HSD3B2: variants seen among roughly 807,000 people sequenced by gnomAD.
HSD3B2 encodes hydroxy-delta-5-steroid dehydrogenase, 3 beta- and steroid delta-isomerase 2.
A neutral mutation model predicts 9.9 loss-of-function variants in HSD3B2; 8 were observed. The observed-to-expected ratio is 0.81, with a 90% CI of 0.47 to 1.46. HSD3B2 has a LOEUF of 1.46. Among genes scored for constraint, HSD3B2 ranks in the 40% most tolerant of loss-of-function variants. The pLI, the probability that HSD3B2 is intolerant of heterozygous loss-of-function variation, is 0.00. For synonymous variants in HSD3B2, 221 were observed against 184.5 expected, an observed-to-expected ratio of 1.20 and a Z score of -1.60; for missense variants, 410 against 448.3, an observed-to-expected ratio of 0.91 and a Z score of 0.77.
intron 2 of HSD3B2, among the ~76,000 whole-genome samples, chr1:119,416,049 T>TTG (rs374092444): frequency 1.3e-5 from 2 of 151,766 alleles, no homozygotes; most frequent in East Asian, 1.9e-4. Context: ...GTGTGTGTAA[T>TTG]TGTGTGTGTG....
chr1:119,415,783 G>A (rs1570816871), intron 2 of HSD3B2, among the ~76,000 whole-genome samples: 1 of 152,204 alleles, frequency 6.6e-6, no homozygotes, highest in Non-Finnish European at 1.5e-5. Context: ...AACTTGAGAG[G>A]CAGCCATGTC....
intron 3 of HSD3B2, among the ~76,000 whole-genome samples, chr1:119,421,426 T>TAC (rs1491453629): frequency 4.5e-4 from 9 of 20,142 alleles, no homozygotes; most frequent in African/African-American, 1.9e-3. Flanking sequence ...TGTATATATA[T>TAC]GTATATATAT....
intron 3 of HSD3B2, among the ~76,000 whole-genome samples, chr1:119,421,501 A>AT (rs200216324): frequency 0.032 from 4,336 of 133,622 alleles, 397 homozygotes; most frequent in African/African-American, 0.11. Context: ...TATAATATAT[A>AT]TATATATATA....
intron 3 of HSD3B2, chr1:119,419,879 T>G: frequency 2.5e-6 from 1 of 396,902 alleles, no homozygotes; most frequent in Non-Finnish European, 4.7e-6. Context: ...AAGCTCTTTC[T>G]ACTGTGGCCC....
rs775633331 is a variant in HSD3B2, at chr1:119,419,488, C to T, written c.213C>T (p.Ala71=). The T allele has an allele frequency of 3.1e-6, 5 of 1,613,768 alleles. No individual in the cohort carries two copies. Among genetic ancestry groups the T allele is most frequent in the Admixed American group, 1.7e-5 (1 of 60,012 alleles). The part of the protein sequence containing the change: ...DILDEPFLKR[A]CQDVSVVIHT... ...TGGATGAGCCATTCCTGAAAAGAGC[C>T]TGCCAGGACGTCTCGGTCGTCATCC... The change falls in exon 3 of 4, where the codon GCC becomes GCT. Residue 71 remains alanine (A), a synonymous_variant. Coordinates refer to ENST00000369416, the MANE Select transcript of HSD3B2 (RefSeq NM_000198.4).
intron 3 of HSD3B2, among the ~76,000 whole-genome samples, chr1:119,421,453 G>A (rs12741125): frequency 0.017 from 302 of 17,284 alleles, 9 homozygotes; most frequent in African/African-American, 0.038. Context: ...ATATATATAT[G>A]TATATATATA....
chr1:119,422,975 TC>T lies in HSD3B2; in HGVS notation c.*357del, dbSNP rs1357867012. On this transcript the variant is annotated 3_prime_UTR_variant, in exon 4 of 4. Coordinates refer to ENST00000369416, the MANE Select transcript of HSD3B2 (RefSeq NM_000198.4). Reference sequence around the variant, plus strand: ...GAAAGCATTTCTTTTCTCTTTAATCTCCTATTCCTTCACACAGTTCAACATA... The same window carrying T: ...GAAAGCATTTCTTTTCTCTTTAATCTCTATTCCTTCACACAGTTCAACATA... 1 of 430,364 alleles carries T rather than the reference TC, an allele frequency of 2.3e-6. No individual in the cohort carries two copies. Among genetic ancestry groups the T allele is most frequent in the African/African-American group, 2.0e-5 (1 of 50,846 alleles). 26.7% of individuals were successfully genotyped at this position (430,364 alleles called of 1,614,324 possible).
At chr1:119,421,343 A>G (rs1651849674) in intron 3 of HSD3B2, among the ~76,000 whole-genome samples, 1 of 146,450 alleles carries the variant, frequency 6.8e-6, no homozygotes, top group South Asian at 2.1e-4. Context: ...TAAAGTGATT[A>G]CCCTAGGTCC....
intron 2 of HSD3B2, among the ~76,000 whole-genome samples, chr1:119,416,180 T>C (rs961424801): frequency 1.3e-5 from 2 of 151,324 alleles, no homozygotes; most frequent in African/African-American, 4.9e-5. Flanking sequence ...AGAGTGAAAG[T>C]GAGAGAGATC....
chr1:119,415,429 A>C lies in HSD3B2; in HGVS notation c.10A>C (p.Ser4Arg), dbSNP rs1271030484. The C allele has an allele frequency of 5.0e-6, 8 of 1,613,778 alleles. No individual in the cohort carries two copies. The highest frequency in any genetic ancestry group is 6.8e-6 in the Non-Finnish European group (8 of 1,179,904). MGW[S>R]CLVTGAGGLL... ...CTTTGGATTGGCCACGATGGGCTGG[A>C]GCTGCCTTGTGACAGGAGCAGGAGG... The change falls in exon 2 of 4, where the codon AGC (serine) becomes CGC (arginine). Residue 4 changes from serine (S) to arginine (R), a missense_variant. By Grantham distance (110) the Ser-to-Arg change is moderately radical. Transcript: ENST00000369416.
chr1:119,420,631 A>T (rs1651834056), intron 3 of HSD3B2, among the ~76,000 whole-genome samples: 1 of 152,192 alleles, frequency 6.6e-6, no homozygotes, highest in Non-Finnish European at 1.5e-5. Flanking sequence ...AATACTTCAC[A>T]ATGATGGCCA....
In HSD3B2 at chr1:119,422,311, C is replaced by T; in HGVS notation, c.810C>T (p.Ile270=). 2 of 1,614,148 alleles carry T rather than the reference C, an allele frequency of 1.2e-6. No homozygotes were observed. The highest frequency in any genetic ancestry group is 2.2e-5 in the South Asian group (2 of 91,076). Residue 270 remains isoleucine, a synonymous_variant, in exon 4 of 4, where the codon ATC becomes ATT. Coordinates refer to ENST00000369416, the MANE Select transcript of HSD3B2 (RefSeq NM_000198.4). The part of the protein sequence containing the change: ...PHQSYDNLNY[I]LSKEFGLRLD... ...AAAGCTATGATAACCTTAATTACAT[C>T]CTGAGCAAAGAGTTTGGCCTCCGCC... is the stretch of plus-strand genomic sequence containing the variant.
intron 2 of HSD3B2, among the ~76,000 whole-genome samples, chr1:119,418,615 CTTTTATTATTATTACTAT>C (rs754082625): frequency 7.9e-4 from 96 of 121,564 alleles, no homozygotes; most frequent in African/African-American, 2.0e-3. Context: ...GTCTGTTTAT[CTTTTATTATTATTACTAT>C]TATTATTATT....
chr1:119,415,076 T>C, upstream of HSD3B2: 1 of 351,438 alleles, frequency 2.8e-6, no homozygotes, highest in Admixed American at 4.0e-5. Context: ...AATGAGTATG[T>C]GGCAGGAGTT....
chr1:119,420,437 C>G (rs938515424), intron 3 of HSD3B2, among the ~76,000 whole-genome samples: 2 of 152,076 alleles, frequency 1.3e-5, no homozygotes, highest in African/African-American at 4.8e-5. Flanking sequence ...AAAAAAAAAC[C>G]TTTCCAGTTT....
At position 119,422,202 on chromosome 1, in the gene HSD3B2, T is replaced by C. The variant is rs1651905495; in HGVS notation, c.701T>C (p.Leu234Pro). ...YVGNVAWAHILALRALRDPKK... is the reference protein window; with the variant it reads ...YVGNVAWAHIPALRALRDPKK... The stretch of plus-strand genomic sequence containing the variant: ...GGCAACGTGGCCTGGGCCCACATTC[T>C]GGCCTTGAGGGCTCTGCGGGACCCC... Residue 234 changes from leucine to proline, a missense_variant, in exon 4 of 4, where the codon CTG becomes CCG. By Grantham distance (98) the Leu-to-Pro change is moderately conservative. Coordinates refer to ENST00000369416, the MANE Select transcript of HSD3B2 (RefSeq NM_000198.4). 1.2e-6 allele frequency: 2 copies of C among 1,613,992 alleles called. No homozygotes were observed. Among genetic ancestry groups the C allele is most frequent in the South Asian group, 2.2e-5 (2 of 91,086 alleles).
intron 2 of HSD3B2, 78 bp from the exon 3 acceptor site, chr1:119,419,340 A>G (rs1385944826): frequency 2.2e-6 from 3 of 1,379,816 alleles, no homozygotes; most frequent in Admixed American, 1.7e-5. Flanking sequence ...TTGAGCACCT[A>G]TGTAACATCG....
Position 119,422,454 on chromosome 1 carries a change from C to A in HSD3B2, c.953C>A (p.Thr318Lys). 6.2e-7 allele frequency: 1 copy of A among 1,614,156 alleles called. No individual in the cohort carries two copies. Among genetic ancestry groups the A allele is most frequent in the Non-Finnish European group, 8.5e-7 (1 of 1,180,004 alleles). ...TATCAACCCCCCTTCAACCGCCACA[C>A]AGTCACATTATCAAATAGTGTGTTC... is the stretch of plus-strand genomic sequence containing the variant. ...YSYQPPFNRHTVTLSNSVFTF... is the reference protein window; with the variant it reads ...YSYQPPFNRHKVTLSNSVFTF... The change falls in exon 4 of 4, where the codon ACA (threonine) becomes AAA (lysine). Residue 318 changes from threonine (T) to lysine (K), a missense_variant. Transcript: ENST00000369416.
chr1:119,421,229 T>G (rs1215664289), intron 3 of HSD3B2, among the ~76,000 whole-genome samples: 1 of 151,782 alleles, frequency 6.6e-6, no homozygotes, highest in Non-Finnish European at 1.5e-5. Flanking sequence ...GGACTGTTCA[T>G]ATTCTCAGAG....
Sources: gnomAD v4.1 joint callset for allele counts (sites outside exome capture counted in the v4.1 genomes callset) on GRCh38, gnomAD v4.1.1 for gene constraint, MANE v1.5 for transcripts, NCBI Gene and HGNC (gene_info 2026-07-23, HGNC 2026-07-21) for gene names.